RBFOX1: variants seen among roughly 807,000 people sequenced by gnomAD.
RBFOX1 encodes the protein RNA binding protein fox-1 homolog 1.
Under a neutral mutation model 57.7 loss-of-function variants are expected in RBFOX1, and 8 were observed. The ratio of observed to expected loss-of-function variants is 0.14; its 90% CI spans 0.08 to 0.25. The LOEUF (loss-of-function observed/expected upper bound fraction) is 0.25, where lower values mean the gene tolerates loss of function less well. Among genes scored for constraint, RBFOX1 ranks in the 10% least tolerant of loss-of-function variants. RBFOX1 has a pLI of 1.00. For synonymous variants in RBFOX1, 326 were observed against 222.4 expected (o/e 1.47, Z -4.15); for missense variants, 611 against 548.5 (o/e 1.11, Z -1.14).
chr16:5,983,902 C>T (rs1346286876), intron 4 of RBFOX1, among the ~76,000 whole-genome samples: 6 of 141,292 alleles, frequency 4.2e-5, no homozygotes, highest in African/African-American at 1.7e-4. Flanking sequence ...CCTCGTTCTC[C>T]TCCTCCTCCT....
intron 3 of RBFOX1, among the ~76,000 whole-genome samples, chr16:5,654,773 C>T (rs921004249): frequency 6.6e-6 from 1 of 152,208 alleles, no homozygotes; most frequent in East Asian, 1.9e-4. Flanking sequence ...TTCCTCCTTC[C>T]TCCTTCTTCC....
At position 6,521,433 on chromosome 16, in the gene RBFOX1, TCCCTC is replaced by T. The variant is rs544333735; in HGVS notation, c.-63-133157_-63-133153del. On this transcript the variant is annotated intron_variant, in intron 2 of 15. Coordinates refer to ENST00000550418, the MANE Select transcript of RBFOX1 (RefSeq NM_018723.4). ...CATTTCTTTTTTCTCTTCCTTCCCTTCCCTCCCCTCCCCTCCCGTCCCCTCTCCTC... is the reference window on the plus strand; with the variant it reads ...CATTTCTTTTTTCTCTTCCTTCCCTTCCCTCCCCTCCCGTCCCCTCTCCTC... Among the ~76,000 whole-genome samples the T allele has an allele frequency of 2.0e-3, 286 of 144,806 alleles. 2 individuals carry two copies. The highest frequency in any genetic ancestry group is 6.4e-3 in the African/African-American group (248 of 38,934). The allele number at this position is 144,806 out of a possible 152,430, so 95.0% of individuals were successfully genotyped here. A position where few individuals can be genotyped will look rare whatever the true frequency, so the allele number is the denominator to read the frequency against.
intron 4 of RBFOX1, among the ~76,000 whole-genome samples, chr16:7,478,155 G>T (rs1444548207): frequency 1.3e-5 from 2 of 152,202 alleles, no homozygotes; most frequent in Admixed American, 1.3e-4. Context: ...GAATGCATCT[G>T]TAAAAGAAAG....
chr16:5,894,156 G>C (rs1195277193), intron 4 of RBFOX1, among the ~76,000 whole-genome samples: 2 of 152,122 alleles, frequency 1.3e-5, no homozygotes, highest in South Asian at 2.1e-4. Context: ...CACAATTCTG[G>C]AGCTCTATTT....
chr16:7,577,376 T>C (rs2152819752), intron 5 of RBFOX1, among the ~76,000 whole-genome samples: 1 of 152,310 alleles, frequency 6.6e-6, no homozygotes, highest in Admixed American at 6.5e-5. Context: ...CCAGTGGTGC[T>C]GGAGTCCACA....
chr16:5,694,602 G>A (rs1304741993), intron 3 of RBFOX1, among the ~76,000 whole-genome samples: 6 of 152,088 alleles, frequency 3.9e-5, no homozygotes, highest in Non-Finnish European at 8.8e-5. Context: ...TCACCACTGT[G>A]CTAGGGTTTG....
intron 4 of RBFOX1, among the ~76,000 whole-genome samples, chr16:7,413,573 C>T (rs1265173553): frequency 6.6e-6 from 1 of 152,016 alleles, no homozygotes; most frequent in Non-Finnish European, 1.5e-5. Flanking sequence ...CCATAGATTC[C>T]ACGCTTTGCT....
rs1001971920 is a variant in RBFOX1 at position 7,571,632 on chromosome 16, C to A, written c.271-8145C>A. On this transcript the variant is annotated intron_variant, in intron 5 of 15. Coordinates refer to ENST00000550418, the MANE Select transcript of RBFOX1 (RefSeq NM_018723.4). ...TAAGAAAAATTCTGCCGCACAGATC[C>A]CGCCTCCTAATAAGGCCTTCACACT... Among the ~76,000 whole-genome samples the A allele has an allele frequency of 5.9e-5, 9 of 152,084 alleles. No homozygotes were observed. In the East Asian group the frequency reaches 1.4e-3, roughly 23 times the overall value.
chr16:6,029,589 T>C (rs984920727), intron 1 of RBFOX1, among the ~76,000 whole-genome samples: 10 of 151,288 alleles, frequency 6.6e-5, no homozygotes, highest in African/African-American at 2.4e-4. Flanking sequence ...CTGGCTAACA[T>C]GGTGAAACCC....
chr16:6,633,862 TTAGC>T (rs1290126457), intron 2 of RBFOX1, among the ~76,000 whole-genome samples: 1 of 151,986 alleles, frequency 6.6e-6, no homozygotes, highest in Non-Finnish European at 1.5e-5. Context: ...TAAAAATAAA[TTAGC>T]CATGCATGGT....
Position 5,843,612 on chromosome 16 carries a change from C to T in RBFOX1, c.319-23691C>T, listed in dbSNP as rs74468226. Among the ~76,000 whole-genome samples the T allele has an allele frequency of 6.6e-4, 101 of 152,260 alleles. 2 individuals carry two copies. The East Asian group carries it at 0.018, about 28-fold the overall frequency. On this transcript the variant is annotated intron_variant, in intron 3 of 19. Transcript: ENST00000641259. ...CTGCACATCTGTGTTCACTGCAGCA[C>T]TATTCACAATAGCAAACACATTATT...
intron 4 of RBFOX1, among the ~76,000 whole-genome samples, chr16:7,313,147 A>G (rs1235729382): frequency 6.6e-6 from 1 of 152,206 alleles, no homozygotes; most frequent in Non-Finnish European, 1.5e-5. Context: ...GAAACACAAA[A>G]GCGCCTCCTG....
At chr16:5,272,376 A>C (rs749502172) in intron 1 of RBFOX1, among the ~76,000 whole-genome samples, 6 of 152,160 alleles carry the variant, frequency 3.9e-5, no homozygotes, top group Non-Finnish European at 7.3e-5. Context: ...AAAATAAGTA[A>C]CTTGTTCAAA....
intron 3 of RBFOX1, among the ~76,000 whole-genome samples, chr16:7,038,608 C>T (rs996137018): frequency 6.6e-6 from 1 of 152,170 alleles, no homozygotes; most frequent in African/African-American, 2.4e-5. Context: ...CCAGGCTCTT[C>T]ATGGCCAGGG....
rs150774912 is a variant in RBFOX1 at position 6,657,857 on chromosome 16, T to TAA, written c.-16+3208_-16+3209dup. Among the ~76,000 whole-genome samples, 188 of 152,268 alleles carry TAA rather than the reference T, an allele frequency of 1.2e-3. 3 individuals carry two copies. The East Asian group carries it at 0.034, about 27-fold the overall frequency. On this transcript the variant is annotated intron_variant, in intron 3 of 15. Coordinates refer to ENST00000550418, the MANE Select transcript of RBFOX1 (RefSeq NM_018723.4). Reference sequence around the variant, plus strand: ...TTATTTTATTTTATTTTACTTTAGTTAAGGGAGCTTCACAGAACCCCTATA... The same window carrying TAA: ...TTATTTTATTTTATTTTACTTTAGTTAAAAGGGAGCTTCACAGAACCCCTATA...
At chr16:5,683,790 A>G (rs935656869) in intron 3 of RBFOX1, among the ~76,000 whole-genome samples, 22 of 148,038 alleles carry the variant, frequency 1.5e-4, no homozygotes, top group Non-Finnish European at 1.9e-4. Context: ...TATTTATATT[A>G]TATGTTTTAT....
chr16:6,253,069 C>T (rs1475600705), intron 1 of RBFOX1, among the ~76,000 whole-genome samples: 1 of 152,110 alleles, frequency 6.6e-6, no homozygotes, highest in African/African-American at 2.4e-5. Flanking sequence ...CATAACCCTG[C>T]CATCTCTCCT....
intron 3 of RBFOX1, among the ~76,000 whole-genome samples, chr16:6,769,771 C>G (rs1398412063): frequency 6.6e-6 from 1 of 152,154 alleles, no homozygotes; most frequent in African/African-American, 2.4e-5. Flanking sequence ...GAGATGTGTT[C>G]TAAACTTACC....
intron 1 of RBFOX1, among the ~76,000 whole-genome samples, chr16:5,425,114 TATCTATC>T: frequency 1.4e-5 from 2 of 146,716 alleles, no homozygotes; most frequent in African/African-American, 5.2e-5. Context: ...TCTATCTATC[TATCTATC>T]TTGAGACAGA....
Sources: allele counts gnomAD v4.1 joint callset (sites outside exome capture counted in the v4.1 genomes callset), GRCh38; gene constraint gnomAD v4.1.1; transcripts MANE v1.5; gene names NCBI Gene and HGNC (gene_info 2026-07-23, HGNC 2026-07-21).